Variants in ENTREP2 observed in about 807,000 individuals in gnomAD.
ENTREP2 encodes endosomal transmembrane epsin interactor 2, also known as protein ENTREP2.
the ENTREP2 span, among the ~76,000 whole-genome samples, chr15:29,479,176 C>T: frequency 2.8e-5 from 4 of 144,942 alleles, no homozygotes; most frequent in Admixed American, 2.8e-4. Flanking sequence ...CACTGCACTC[C>T]AGCCTGGGTG....
the ENTREP2 span, among the ~76,000 whole-genome samples, chr15:29,183,658 G>T: frequency 1.3e-5 from 2 of 152,184 alleles, no homozygotes; most frequent in African/African-American, 4.8e-5. Context: ...AACCTGATGG[G>T]GGTGAGAATA....
chr15:29,198,713 C>A, the ENTREP2 span, among the ~76,000 whole-genome samples: 1 of 152,240 alleles, frequency 6.6e-6, no homozygotes, highest in African/African-American at 2.4e-5. Flanking sequence ...ATGCCTCATT[C>A]CCTGTCATTC....
the ENTREP2 span, among the ~76,000 whole-genome samples, chr15:29,366,765 A>G: frequency 6.6e-6 from 1 of 152,324 alleles, no homozygotes; most frequent in African/African-American, 2.4e-5. Flanking sequence ...AACCCCAGAA[A>G]TACTCTGGCT....
At chr15:29,487,425 G>C in the ENTREP2 span, among the ~76,000 whole-genome samples, 2 of 152,250 alleles carry the variant, frequency 1.3e-5, no homozygotes, top group Admixed American at 6.5e-5. Context: ...ACAGATAAGC[G>C]GTCAGTCTCT....
the ENTREP2 span, among the ~76,000 whole-genome samples, chr15:29,129,752 C>T: frequency 2.0e-5 from 3 of 152,198 alleles, no homozygotes; most frequent in Non-Finnish European, 2.9e-5. Flanking sequence ...TCATTTTGCC[C>T]ATTCTGCGTG....
chr15:29,455,819 A>G, the ENTREP2 span, among the ~76,000 whole-genome samples: 2 of 152,188 alleles, frequency 1.3e-5, no homozygotes, highest in African/African-American at 4.8e-5. Context: ...GATCAGCAGC[A>G]GCAGCAGATT....
the ENTREP2 span, among the ~76,000 whole-genome samples, chr15:29,334,464 C>T: frequency 1.3e-5 from 2 of 152,174 alleles, no homozygotes; most frequent in African/African-American, 4.8e-5. Flanking sequence ...GCAATCAATT[C>T]TGAAAGGCAT....
the ENTREP2 span, among the ~76,000 whole-genome samples, chr15:29,206,956 C>T: frequency 2.6e-5 from 4 of 152,150 alleles, no homozygotes; most frequent in South Asian, 2.1e-4. Flanking sequence ...TCAAAACTAC[C>T]TTCACCACTG....
chr15:29,320,551 G>A, the ENTREP2 span, among the ~76,000 whole-genome samples: 4 of 152,312 alleles, frequency 2.6e-5, no homozygotes, highest in South Asian at 4.1e-4. Context: ...ACCAGACTGA[G>A]ACACAGCAGA....
the ENTREP2 span, among the ~76,000 whole-genome samples, chr15:29,614,892 A>C: frequency 6.7e-6 from 1 of 149,510 alleles, no homozygotes; most frequent in Non-Finnish European, 1.5e-5. Context: ...CCACGTCTCT[A>C]TTTTTTTTTT....
chr15:29,644,568 C>A, the ENTREP2 span, among the ~76,000 whole-genome samples: 9 of 152,092 alleles, frequency 5.9e-5, no homozygotes, highest in Non-Finnish European at 1.2e-4. Flanking sequence ...TTTGGGAGGC[C>A]GAGGCGGGTG....
chr15:29,402,265 T>TAC, the ENTREP2 span, among the ~76,000 whole-genome samples: 3 of 137,792 alleles, frequency 2.2e-5, no homozygotes, highest in Non-Finnish European at 3.2e-5. Flanking sequence ...TATATATATA[T>TAC]ACACACACAT....
the ENTREP2 span, among the ~76,000 whole-genome samples, chr15:29,318,494 G>A: frequency 3.3e-5 from 5 of 152,026 alleles, no homozygotes; most frequent in Non-Finnish European, 7.4e-5. Flanking sequence ...CTAATTTTTT[G>A]TATTTTTAGT....
the ENTREP2 span, among the ~76,000 whole-genome samples, chr15:29,493,385 G>A: frequency 8.6e-5 from 13 of 151,410 alleles, no homozygotes; most frequent in South Asian, 4.2e-4. Context: ...CGCCCGCCTC[G>A]GCCTCCCAAA....
chr15:29,315,138 C>G, the ENTREP2 span, among the ~76,000 whole-genome samples: 176 of 152,194 alleles, frequency 1.2e-3, 1 homozygote, highest in African/African-American at 3.9e-3. Context: ...TAAGAAGATA[C>G]AACAGCAAAG....
chr15:29,269,544 C>T, the ENTREP2 span: 45 of 1,511,256 alleles, frequency 3.0e-5, no homozygotes, highest in Admixed American at 4.5e-5. Flanking sequence ...GCGAGCCGCC[C>T]GGCCCGCGGG....
the ENTREP2 span, among the ~76,000 whole-genome samples, chr15:29,573,013 T>C: frequency 6.6e-6 from 1 of 152,020 alleles, no homozygotes; most frequent in Non-Finnish European, 1.5e-5. Flanking sequence ...ATGTCGAGAA[T>C]TGGGTGTGTT....
chr15:29,349,873 G>A, the ENTREP2 span, among the ~76,000 whole-genome samples: 6 of 152,148 alleles, frequency 3.9e-5, no homozygotes, highest in South Asian at 2.1e-4. Flanking sequence ...GCACTCCAGC[G>A]TGGGTGACAG....
At chr15:29,232,602 C>T in the ENTREP2 span, among the ~76,000 whole-genome samples, 1 of 151,542 alleles carries the variant, frequency 6.6e-6, no homozygotes, top group Non-Finnish European at 1.5e-5. Context: ...AAGCAATCCT[C>T]CTGCCTCAGC....
Sources: allele counts gnomAD v4.1 joint callset (sites outside exome capture counted in the v4.1 genomes callset), GRCh38; gene constraint gnomAD v4.1.1; transcripts MANE v1.5; gene names NCBI Gene and HGNC (gene_info 2026-07-23, HGNC 2026-07-21).